REV3L: variants seen among roughly 807,000 people sequenced by gnomAD.
REV3L encodes the protein REV3 like, DNA directed polymerase zeta catalytic subunit.
In REV3L, 69 loss-of-function variants were observed where a neutral mutation model predicts 299.4. The ratio of observed to expected loss-of-function variants is 0.23; its 90% CI spans 0.19 to 0.28. The LOEUF (loss-of-function observed/expected upper bound fraction) is 0.28. Among genes scored for constraint, REV3L ranks in the 10% least tolerant of loss-of-function variants. The pLI is 1.00. For synonymous variants in REV3L, 1,238 were observed against 1,271.4 expected (o/e 0.97, Z 0.56); for missense variants, 3,128 against 3,693.8 (o/e 0.85, Z 3.97).
At chr6:111,326,615 A>ACCC (rs1562125992) in intron 25 of REV3L, among the ~76,000 whole-genome samples, 99 of 145,666 alleles carry the variant, frequency 6.8e-4, no homozygotes, top group Non-Finnish European at 1.2e-3. Flanking sequence ...ACCCCCCCCA[A>ACCC]AAAAAAAAAT....
intron 14 of REV3L, 27 bp from the exon 15 acceptor site, chr6:111,365,371 A>T (rs1436394823): frequency 7.5e-7 from 1 of 1,336,994 alleles, no homozygotes; most frequent in South Asian, 1.4e-5. Context: ...AATATTTAAC[A>T]TGTATATCAA....
rs137950394 is a variant in REV3L, at chr6:111,374,241, T to A, written c.4114A>T (p.Thr1372Ser). 1.2e-6 allele frequency: 2 copies of A among 1,613,486 alleles called. No individual in the cohort carries two copies. Among genetic ancestry groups the A allele is most frequent in the East Asian group, 4.5e-5 (2 of 44,890 alleles). The change falls in exon 13 of 32, where the codon ACA becomes TCA. Residue 1372 changes from threonine to serine, a missense_variant. Thr to Ser is a moderately conservative substitution (Grantham distance 58, BLOSUM62 1). Transcript: ENST00000368802. ...GAGGACATACCAGAAGATATCTGTG[T>A]ATTCTGTGCTACCTGAGATAAATGA... ...SNHLSQVAQN[T>S]QISSGMSSKI...
At chr6:111,307,842 T>G in intron 30 of REV3L, 1 of 393,522 alleles carries the variant, frequency 2.5e-6, no homozygotes, top group Non-Finnish European at 4.7e-6. Flanking sequence ...ATGTGCAGGT[T>G]TGTTACATAT....
At chr6:111,445,572 G>A (rs1409147075) in intron 1 of REV3L, among the ~76,000 whole-genome samples, 1 of 152,166 alleles carries the variant, frequency 6.6e-6, no homozygotes, top group African/African-American at 2.4e-5. Flanking sequence ...ACACCTAAGT[G>A]TGTACAAGGC....
intron 31 of REV3L, among the ~76,000 whole-genome samples, chr6:111,303,215 AGGCTGGAGTGCAGTGGCATGATCTCAG>A (rs1771807241): frequency 8.5e-6 from 1 of 118,248 alleles, no homozygotes; most frequent in Non-Finnish European, 1.6e-5. Flanking sequence ...TCTGTTGCCC[AGGCTGGAGTGCAGTGGCATGATCTCAG>A]TTCACTGCAA....
intron 20 of REV3L, among the ~76,000 whole-genome samples, chr6:111,344,834 A>C (rs1776870378): frequency 6.6e-6 from 1 of 152,210 alleles, no homozygotes. Flanking sequence ...TTACATTATA[A>C]TTTTAAATTA....
chr6:111,344,083 A>G, intron 20 of REV3L, 40 bp from the exon 21 acceptor site: 1 of 1,350,580 alleles, frequency 7.4e-7, no homozygotes, highest in South Asian at 1.3e-5. Context: ...TAATGCTTAC[A>G]TTTATGTAGC....
chr6:111,441,237 T>C (rs1316153736), intron 1 of REV3L, among the ~76,000 whole-genome samples: 1 of 152,172 alleles, frequency 6.6e-6, no homozygotes, highest in Admixed American at 6.5e-5. Flanking sequence ...CTGTTCTTTT[T>C]GTTACTGTTG....
rs1203512532 is a variant in REV3L at position 111,482,756 on chromosome 6, G to A, written c.133C>T (p.Pro45Ser). Residue 45 changes from proline to serine, a missense_variant, in exon 1 of 32, where the codon CCG becomes TCG. Physicochemically the swap from Pro to Ser is moderately conservative, Grantham distance 74 (BLOSUM62 -1). Around this residue, in one of 9 missense-constraint regions of REV3L, gnomAD observed 6 missense variants for 27.5 expected, o/e 0.22. Coordinates refer to ENST00000368802, the MANE Select transcript of REV3L (RefSeq NM_001372078.1). ...VPVVRVFGAT[P>S]AGQKTCLHLH... is the part of the protein sequence containing the mutation. ...GCGCCCGGCGCCCGCTTACCTGCCG[G>A]GGTCGCTCCGAAGACTCGCACCACC... is the stretch of plus-strand genomic sequence containing the variant. The A allele has an allele frequency of 2.8e-6, 4 of 1,439,966 alleles. No individual in the cohort carries two copies. Among genetic ancestry groups the A allele is most frequent in the Non-Finnish European group, 3.7e-6 (4 of 1,090,712 alleles). The allele number at this position is 1,439,966 out of a possible 1,614,324, so 89.2% of individuals were successfully genotyped here. A position where few individuals can be genotyped will look rare whatever the true frequency, so the allele number is the denominator to read the frequency against.
chr6:111,333,474 T>G, intron 22 of REV3L, 107 bp from the exon 23 acceptor site: 1 of 1,358,068 alleles, frequency 7.4e-7, no homozygotes, highest in South Asian at 1.5e-5. Context: ...TAAGATTGTA[T>G]GACTTTTTTT....
intron 1 of REV3L, among the ~76,000 whole-genome samples, chr6:111,467,907 C>T (rs1791702161): frequency 6.6e-6 from 1 of 152,056 alleles, no homozygotes; most frequent in African/African-American, 2.4e-5. Flanking sequence ...ATGTTTTATA[C>T]ACATCACACA....
At chr6:111,372,572 C>A in intron 13 of REV3L, 24 bp downstream of exon 13, 1 of 1,463,762 alleles carries the variant, frequency 6.8e-7, no homozygotes, top group Non-Finnish European at 9.1e-7. Flanking sequence ...TCAGAGTGAC[C>A]CAAGGGAAAA....
rs750036577 is a variant in REV3L at position 111,376,008 on chromosome 6, T to C, written c.2347A>G (p.Lys783Glu). 2 of 1,613,958 alleles carry C rather than the reference T, an allele frequency of 1.2e-6. No individual in the cohort carries two copies. The highest frequency in any genetic ancestry group is 2.2e-5 in the South Asian group (2 of 91,064). Residue 783 changes from lysine to glutamate, a missense_variant, in exon 13 of 32, where the codon AAA becomes GAA. Coordinates refer to ENST00000368802, the MANE Select transcript of REV3L (RefSeq NM_001372078.1). ...KIRYEEFQEH[K>E]TEKPSLSQQA... is the part of the protein sequence containing the mutation. Reference sequence around the variant, plus strand: ...TGGCTGAGGCTTGGCTTTTCTGTTTTATGTTCTTGAAATTCTTCATACCTA... The same window carrying C: ...TGGCTGAGGCTTGGCTTTTCTGTTTCATGTTCTTGAAATTCTTCATACCTA...
chr6:111,327,286 G>A (rs1774932039), intron 25 of REV3L, among the ~76,000 whole-genome samples: 1 of 152,162 alleles, frequency 6.6e-6, no homozygotes, highest in Non-Finnish European at 1.5e-5. Context: ...AAGGATTTGG[G>A]ACAAGCATGG....
At chr6:111,307,257 C>T in intron 31 of REV3L, 104 bp downstream of exon 31, 1 of 961,858 alleles carries the variant, frequency 1.0e-6, no homozygotes, top group Admixed American at 2.0e-5. Flanking sequence ...CTTCATTTCA[C>T]TTTTCACACC....
chr6:111,450,528 T>C (rs1789408036), intron 1 of REV3L, among the ~76,000 whole-genome samples: 1 of 147,720 alleles, frequency 6.8e-6, no homozygotes, highest in African/African-American at 2.5e-5. Flanking sequence ...TAGTATCCTA[T>C]GTTACATCTT....
At chr6:111,336,870 A>G (rs1028624579) in intron 21 of REV3L, among the ~76,000 whole-genome samples, 3 of 152,210 alleles carry the variant, frequency 2.0e-5, no homozygotes, top group African/African-American at 7.2e-5. Context: ...ATGCTATAAC[A>G]TGGACAATTC....
Position 111,365,312 on chromosome 6 carries a change from C to T in REV3L, c.6706G>A (p.Gly2236Arg). Residue 2236 changes from glycine to arginine, a missense_variant, in exon 15 of 32, where the codon GGA (glycine) becomes AGA (arginine). Gly to Arg is a moderately radical substitution (Grantham distance 125, BLOSUM62 -2). Around this residue, in one of 9 missense-constraint regions of REV3L, gnomAD observed 2,409 missense variants for 2,611.8 expected, o/e 0.92. Coordinates refer to ENST00000368802, the MANE Select transcript of REV3L (RefSeq NM_001372078.1). ...CTTCTAAGAGTGTCAGTATTACTTC[C>T]TTTCTTATTACTCAACTTCTGTGTT... ...PKTQKLSNKKGSNTDTLRRVL... is the reference protein window; with the variant it reads ...PKTQKLSNKKRSNTDTLRRVL... The T allele has an allele frequency of 1.9e-6, 3 of 1,575,680 alleles. No homozygotes were observed. Among genetic ancestry groups the T allele is most frequent in the Non-Finnish European group, 2.6e-6 (3 of 1,161,050 alleles).
chr6:111,384,385 T>TATATAACTCAATAG (rs1257989931), intron 9 of REV3L, among the ~76,000 whole-genome samples: 1 of 151,992 alleles, frequency 6.6e-6, no homozygotes, highest in Admixed American at 6.6e-5. Flanking sequence ...AACCAAAATA[T>TATATAACTCAATAG]ATATAACTCA....
Sources: gnomAD v4.1 joint callset for allele counts (sites outside exome capture counted in the v4.1 genomes callset) on GRCh38, gnomAD v4.1.1 for gene constraint, gnomAD v4.1.1 regional missense constraint, MANE v1.5 for transcripts, NCBI Gene and HGNC (gene_info 2026-07-23, HGNC 2026-07-21) for gene names.